The following NAV2 variants were observed in gnomAD, a reference collection of about 807,000 sequenced individuals.
NAV2 encodes helicase, APC down-regulated 1.
Under a neutral mutation model 223.2 loss-of-function variants are expected in NAV2, and 54 were observed. The ratio of observed to expected loss-of-function variants is 0.24; its 90% confidence interval spans 0.19 to 0.30. NAV2 has a LOEUF of 0.30. Among genes scored for constraint, NAV2 ranks in the 10% least tolerant of loss-of-function variants. The pLI is 1.00. For missense variants in NAV2, 2,806 were observed against 3,147.5 expected, an observed-to-expected ratio of 0.89 and a Z score of 2.60; for synonymous variants, 1,279 against 1,239.3, an observed-to-expected ratio of 1.03 and a Z score of -0.67.
At chr11:20,060,562 A>G (rs1364402740) in intron 19 of NAV2, among the ~76,000 whole-genome samples, 3 of 152,220 alleles carry the variant, frequency 2.0e-5, no homozygotes, top group Non-Finnish European at 4.4e-5. Flanking sequence ...ACATGCTGAT[A>G]TAGGGACAGC....
intron 11 of NAV2, among the ~76,000 whole-genome samples, chr11:19,988,814 A>T (rs1294816258): frequency 2.6e-5 from 4 of 151,990 alleles, no homozygotes; most frequent in Non-Finnish European, 5.9e-5. Flanking sequence ...TGTCATAAGA[A>T]CTCCAAGAGC....
intron 1 of NAV2, among the ~76,000 whole-genome samples, chr11:19,416,564 T>G (rs181439387): frequency 2.6e-5 from 4 of 152,282 alleles, no homozygotes; most frequent in South Asian, 2.1e-4. Flanking sequence ...CAAGCTACCA[T>G]TGACTTTCTT....
intron 11 of NAV2, among the ~76,000 whole-genome samples, chr11:20,006,330 C>T (rs1347446755): frequency 1.3e-5 from 2 of 152,054 alleles, no homozygotes; most frequent in Non-Finnish European, 2.9e-5. Flanking sequence ...GTAGCAGAGG[C>T]ACCAAAGATG....
At chr11:19,994,949 G>A (rs921955410) in intron 11 of NAV2, among the ~76,000 whole-genome samples, 9 of 152,178 alleles carry the variant, frequency 5.9e-5, no homozygotes, top group Non-Finnish European at 1.2e-4. Context: ...TCTAGCCTTC[G>A]GGGGTAAGGT....
chr11:19,822,885 T>C (rs1423416629), intron 1 of NAV2, among the ~76,000 whole-genome samples: 1 of 152,162 alleles, frequency 6.6e-6, no homozygotes, highest in Non-Finnish European at 1.5e-5. Flanking sequence ...AACCCAGCTT[T>C]CTAGGAGTCT....
At chr11:19,397,276 A>G (rs1849488657) in intron 1 of NAV2, among the ~76,000 whole-genome samples, 1 of 152,152 alleles carries the variant, frequency 6.6e-6, no homozygotes, top group Admixed American at 6.5e-5. Flanking sequence ...CATTAGAACT[A>G]TCTAAAAGTG....
At chr11:19,391,862 C>T (rs1849261694) in intron 1 of NAV2, among the ~76,000 whole-genome samples, 1 of 152,102 alleles carries the variant, frequency 6.6e-6, no homozygotes, top group Middle Eastern at 3.2e-3. Context: ...TATTCGTTCC[C>T]CTGCTGTGTC....
Position 19,679,430 on chromosome 11 carries a change from C to CAAAAAAAAAAAAAAAAAAAAA in NAV2, c.76-153047_76-153046insAAAAAAAAAAAAAAAAAAAAA, listed in dbSNP as rs56384242. Among the ~76,000 whole-genome samples the CAAAAAAAAAAAAAAAAAAAAA allele has an allele frequency of 7.9e-5, 9 of 114,130 alleles. 1 individual carries two copies. Among genetic ancestry groups the CAAAAAAAAAAAAAAAAAAAAA allele is most frequent in the African/African-American group, 1.4e-4 (5 of 36,184 alleles). The allele number at this position is 114,130 out of a possible 152,430, so 74.9% of individuals were successfully genotyped here. On this transcript the variant is annotated intron_variant, in intron 1 of 37. Transcript: ENST00000360655. ...TGGGCAACAGAACGAGACTCTGTCT[C>CAAAAAAAAAAAAAAAAAAAAA]AAAAAAACACAAAAAGATTTGGGGG...
In NAV2 at chr11:19,993,752, C is replaced by T. The variant is rs141073193; in HGVS notation, c.2768+9505C>T. Among the ~76,000 whole-genome samples, 764 of 152,274 alleles carry T rather than the reference C, an allele frequency of 5.0e-3. 10 individuals are homozygous for T. Among genetic ancestry groups the T allele is most frequent in the African/African-American group, 0.017 (726 of 41,544 alleles). On this transcript the variant is annotated intron_variant, in intron 11 of 37. Transcript: ENST00000349880. The stretch of plus-strand genomic sequence containing the variant: ...ATTGTCTTCTTGGTAGATGAAGGAA[C>T]ATAATAGTTGAGTTGGTTAAGGAAT...
intron 11 of NAV2, 135 bp from the exon 12 acceptor site, chr11:20,035,824 G>T: frequency 1.0e-6 from 1 of 961,730 alleles, no homozygotes; most frequent in Non-Finnish European, 1.5e-6. Flanking sequence ...TCACATCTGA[G>T]TCAAGAGAGC....
At chr11:19,464,391 T>C (rs1000541019) in intron 1 of NAV2, among the ~76,000 whole-genome samples, 1 of 101,100 alleles carries the variant, frequency 9.9e-6, no homozygotes, top group African/African-American at 2.8e-5. Flanking sequence ...TTCAGGAATA[T>C]GAAAGAAGTG....
intron 14 of NAV2, among the ~76,000 whole-genome samples, chr11:20,048,032 A>G (rs2153594968): frequency 6.6e-6 from 1 of 152,302 alleles, no homozygotes; most frequent in African/African-American, 2.4e-5. Context: ...GGGAGATGAC[A>G]TAGAATAGCA....
chr11:19,699,725 C>A (rs888500681), intron 1 of NAV2, among the ~76,000 whole-genome samples: 1 of 152,178 alleles, frequency 6.6e-6, no homozygotes, highest in Non-Finnish European at 1.5e-5. Context: ...TCCTTGTGAA[C>A]CAAGTTAGTT....
At chr11:20,000,841 G>A (rs1033892461) in intron 11 of NAV2, among the ~76,000 whole-genome samples, 3 of 152,126 alleles carry the variant, frequency 2.0e-5, no homozygotes, top group African/African-American at 7.2e-5. Flanking sequence ...TCTGTAGCAC[G>A]TCCTTGTGTG....
intron 1 of NAV2, among the ~76,000 whole-genome samples, chr11:19,715,937 G>C (rs1453594110): frequency 6.6e-6 from 1 of 152,114 alleles, no homozygotes; most frequent in Non-Finnish European, 1.5e-5. Context: ...GGGGTTCTGG[G>C]GGCTCTTCCC....
At chr11:19,932,271 GA>G (rs1174131777) in intron 6 of NAV2, among the ~76,000 whole-genome samples, 143 of 106,954 alleles carry the variant, frequency 1.3e-3, no homozygotes, top group Middle Eastern at 4.6e-3. Context: ...GAAAGAAAAG[GA>G]AAAAAAAAAA....
intron 1 of NAV2, among the ~76,000 whole-genome samples, chr11:19,637,276 G>C (rs1311386991): frequency 6.6e-6 from 1 of 152,144 alleles, no homozygotes; most frequent in African/African-American, 2.4e-5. Flanking sequence ...TGGCCACATG[G>C]AGGACCACAA....
chr11:19,446,648 C>T (rs901628691), intron 1 of NAV2, among the ~76,000 whole-genome samples: 13 of 152,252 alleles, frequency 8.5e-5, no homozygotes, highest in East Asian at 1.9e-4. Context: ...GCATCTCAGA[C>T]GGTGTGCCTG....
At chr11:19,951,499 A>G (rs570647406) in intron 10 of NAV2, among the ~76,000 whole-genome samples, 1 of 152,236 alleles carries the variant, frequency 6.6e-6, no homozygotes, top group South Asian at 2.1e-4. Context: ...TCTAGCATGG[A>G]CTCAGATTTA....
Sources: gnomAD v4.1 joint callset for allele counts (sites outside exome capture counted in the v4.1 genomes callset) on GRCh38, gnomAD v4.1.1 for gene constraint, MANE v1.5 for transcripts, NCBI Gene and HGNC (gene_info 2026-07-23, HGNC 2026-07-21) for gene names.